The following SKOR2 variants were observed in gnomAD, a reference collection of about 807,000 sequenced individuals.
The protein encoded by SKOR2 is LBX1 corepressor 1-like protein.
Under a neutral mutation model 69.1 loss-of-function variants are expected in SKOR2, and 47 were observed. The ratio of observed to expected loss-of-function variants is 0.68; its 90% CI spans 0.54 to 0.87. SKOR2 has a LOEUF of 0.87. SKOR2 is among the 40% of genes least tolerant of loss of function. The pLI is 0.00. For missense variants in SKOR2, 1,404 were observed against 1,472.2 expected (o/e 0.95, Z 0.76); for synonymous variants, 717 against 672.6 (o/e 1.07, Z -1.02).
intron 4 of SKOR2, among the ~76,000 whole-genome samples, chr18:47,239,702 A>G (rs1391130123): frequency 1.3e-5 from 2 of 152,142 alleles, no homozygotes; most frequent in Non-Finnish European, 2.9e-5. Flanking sequence ...TTTAACAATC[A>G]TTAGTAAGAA....
chr18:47,219,716 C>T (rs2064155186), intron 7 of SKOR2, among the ~76,000 whole-genome samples: 1 of 152,266 alleles, frequency 6.6e-6, no homozygotes, highest in Non-Finnish European at 1.5e-5. Context: ...ATAATTTACA[C>T]ATCTGTCTAT....
At chr18:47,212,975 C>A (rs2064132300) in intron 7 of SKOR2, among the ~76,000 whole-genome samples, 1 of 152,066 alleles carries the variant, frequency 6.6e-6, no homozygotes, top group Admixed American at 6.6e-5. Context: ...CTCTTACACA[C>A]ACAAAGAAGC....
At chr18:47,218,589 C>CAAAAA (rs57860548) in intron 7 of SKOR2, among the ~76,000 whole-genome samples, 4,549 of 87,722 alleles carry the variant, frequency 0.052, 198 homozygotes, top group African/African-American at 0.065. Flanking sequence ...GACCCTGTCT[C>CAAAAA]AAAAAAAAAA....
Position 47,248,279 on chromosome 18 carries a change from G to T in SKOR2, c.905C>A (p.Pro302Gln). The change falls in exon 2 of 9, where the codon CCG becomes CAG. Residue 302 changes from proline to glutamine, a missense_variant. By Grantham distance (76) the Pro-to-Gln change is moderately conservative. This residue lies in a region of SKOR2 where 1,266 missense variants were observed against 1,309.9 expected (regional missense o/e 0.97). Transcript: ENST00000425639. The surrounding 1 kb of genome is among the most constrained non-coding windows in gnomAD (Gnocchi z 6.4). ...GCGCGGCCGCTTGTGATGGGCGTGCGGGGCACCAGCCAGCTCTGCCAAGGG... is the reference window on the plus strand; with the variant it reads ...GCGCGGCCGCTTGTGATGGGCGTGCTGGGCACCAGCCAGCTCTGCCAAGGG... The part of the protein sequence containing the change: ...PPPLAELAGA[P>Q]HAHHKRPRFD... 8.2e-7 allele frequency: 1 copy of T among 1,215,928 alleles called. No homozygotes were observed. The highest frequency in any genetic ancestry group is 1.0e-6 in the Non-Finnish European group (1 of 979,998). 75.3% of individuals were successfully genotyped at this position (1,215,928 alleles called of 1,614,324 possible).
At position 47,206,442 on chromosome 18, in the gene SKOR2, T is replaced by C. The variant is rs1384364374; in HGVS notation, c.*454A>G. ...TCCATTGAAACGCTATCCCCACTCC[T>C]AGGATGGGTCTTGTGTTTTCTTCCA... On this transcript the variant is annotated 3_prime_UTR_variant, in exon 9 of 9. Transcript: ENST00000425639. The C allele has an allele frequency of 2.6e-5, 4 of 152,136 alleles. No individual in the cohort carries two copies. The highest frequency in any genetic ancestry group is 2.1e-4 in the South Asian group (1 of 4,824). The allele number at this position is 152,136 out of a possible 1,614,324, so 9.4% of individuals were successfully genotyped here. A position where few individuals can be genotyped will look rare whatever the true frequency, so the allele number is the denominator to read the frequency against.
chr18:47,211,022 T>A (rs1315801093), intron 8 of SKOR2, among the ~76,000 whole-genome samples: 2 of 137,494 alleles, frequency 1.5e-5, no homozygotes, highest in East Asian at 3.9e-4. Context: ...GTAACATAAT[T>A]ATTATTATTT....
chr18:47,244,003 T>C (rs919830881), intron 4 of SKOR2, among the ~76,000 whole-genome samples: 2 of 152,246 alleles, frequency 1.3e-5, no homozygotes, highest in Admixed American at 1.3e-4. Flanking sequence ...CTTCCCATGA[T>C]ACATAAAACA....
intron 6 of SKOR2, among the ~76,000 whole-genome samples, chr18:47,225,818 T>C (rs2144490767): frequency 6.6e-6 from 1 of 151,958 alleles, no homozygotes; most frequent in African/African-American, 2.4e-5. Flanking sequence ...GTCTGCCAGG[T>C]AACTGGAGCT....
Position 47,234,951 on chromosome 18 carries a change from A to G in SKOR2, c.2753-3951T>C, listed in dbSNP as rs1378239184. Among the ~76,000 whole-genome samples, 13 of 152,116 alleles carry G rather than the reference A, an allele frequency of 8.5e-5. No homozygotes were observed. In the South Asian group the frequency reaches 2.7e-3, roughly 32 times the overall value. ...AGAGAAAATTATACATGGAAGAAGC[A>G]TATTTCTTGGAAGCCCAGCCTCAAA... On this transcript the variant is annotated intron_variant, in intron 4 of 8. Coordinates refer to ENST00000425639, the MANE Select transcript of SKOR2 (RefSeq NM_001278063.4).
chr18:47,237,018 C>A (rs2064227072), intron 4 of SKOR2, among the ~76,000 whole-genome samples: 1 of 152,190 alleles, frequency 6.6e-6, no homozygotes, highest in South Asian at 2.1e-4. Context: ...ATCCCGATCA[C>A]CCCTACCTTA....
At chr18:47,209,008 G>C (rs72911209) in intron 8 of SKOR2, among the ~76,000 whole-genome samples, 4,293 of 152,290 alleles carry the variant, frequency 0.028, 61 homozygotes, top group Non-Finnish European at 0.04. Context: ...GCGTTATCAA[G>C]GGAAAGCTAA....
chr18:47,231,566 G>A (rs940352189), intron 4 of SKOR2, among the ~76,000 whole-genome samples: 2 of 151,992 alleles, frequency 1.3e-5, no homozygotes, highest in Admixed American at 6.6e-5. Context: ...AACTTGGGCC[G>A]GGCGCGGTGG....
At chr18:47,245,743 C>G (rs2064270185) in intron 2 of SKOR2, among the ~76,000 whole-genome samples, 182 bp from the exon 3 acceptor site, 1 of 151,990 alleles carries the variant, frequency 6.6e-6, no homozygotes. Context: ...CTACGTATAT[C>G]TACACTATTA....
At chr18:47,222,950 G>A (rs1202196127) in intron 6 of SKOR2, among the ~76,000 whole-genome samples, 1 of 152,106 alleles carries the variant, frequency 6.6e-6, no homozygotes, top group Non-Finnish European at 1.5e-5. Flanking sequence ...TCGAAATAAT[G>A]GCAAATTTTT....
chr18:47,235,791 A>AC (rs1019633965), intron 4 of SKOR2, among the ~76,000 whole-genome samples: 2 of 150,746 alleles, frequency 1.3e-5, no homozygotes, highest in African/African-American at 4.9e-5. Flanking sequence ...AAAAAAAAAA[A>AC]AAAAAAAAAA....
chr18:47,250,524 A>T (rs1437989555), intron 1 of SKOR2, among the ~76,000 whole-genome samples: 1 of 152,266 alleles, frequency 6.6e-6, no homozygotes, highest in African/African-American at 2.4e-5. Context: ...ACCAGAGGCC[A>T]TAGCGTGGCC....
At position 47,248,373 on chromosome 18, in the gene SKOR2, C is replaced by T. The variant is rs2064293788; in HGVS notation, c.811G>A (p.Ala271Thr). The change falls in exon 2 of 9, where the codon GCC becomes ACC. Residue 271 changes from alanine to threonine, a missense_variant. By Grantham distance (58) the Ala-to-Thr change is moderately conservative. Transcript: ENST00000425639. This position sits in a 1 kb window ranked among gnomAD's most constrained non-coding sequence, Gnocchi z 6.4. ...AAAVAAAAAV[A>T]GGGGLLGPHL... ...GGGCCCAGCAGACCCCCGCCTCCGG[C>T]CACCGCGGCCGCGGCGGCCACGGCG... is the stretch of plus-strand genomic sequence containing the variant. 1 of 1,290,926 alleles carries T rather than the reference C, an allele frequency of 7.7e-7. No homozygotes were observed. The highest frequency in any genetic ancestry group is 2.5e-5 in the South Asian group (1 of 40,216). 80.0% of individuals were successfully genotyped at this position (1,290,926 alleles called of 1,614,324 possible).
chr18:47,250,587 C>A (rs775221993), intron 1 of SKOR2, among the ~76,000 whole-genome samples: 7 of 152,192 alleles, frequency 4.6e-5, no homozygotes, highest in South Asian at 2.1e-4. Context: ...AGAGGGTACA[C>A]GATCTTACTC....
At chr18:47,221,253 C>T (rs931016979) in intron 6 of SKOR2, among the ~76,000 whole-genome samples, 5 of 152,126 alleles carry the variant, frequency 3.3e-5, no homozygotes, top group African/African-American at 1.2e-4. Flanking sequence ...AGACCCAATC[C>T]CTACTGTCAC....
Sources: allele counts gnomAD v4.1 joint callset (sites outside exome capture counted in the v4.1 genomes callset), GRCh38; gene constraint gnomAD v4.1.1; regional missense constraint gnomAD v4.1.1; non-coding constraint Gnocchi (gnomAD v3.1); transcripts MANE v1.5; gene names NCBI Gene and HGNC (gene_info 2026-07-23, HGNC 2026-07-21).